Variants in POLR1E observed in about 807,000 individuals in gnomAD.
The protein encoded by POLR1E is DNA-directed RNA polymerase I subunit RPA49.
Under a neutral mutation model 50.9 loss-of-function variants are expected in POLR1E, and 37 were observed. The observed-to-expected ratio is 0.73, with a 90% CI of 0.56 to 0.96. The LOEUF (loss-of-function observed/expected upper bound fraction) is 0.96, where lower values mean the gene tolerates loss of function less well. Ranked by LOEUF, POLR1E falls within the 40% of genes least tolerant of loss-of-function variation. POLR1E has a pLI of 0.00. For synonymous variants in POLR1E, 166 were observed against 191.6 expected, an observed-to-expected ratio of 0.87 and a Z score of 1.10; for missense variants, 426 against 518.1, an observed-to-expected ratio of 0.82 and a Z score of 1.73.
chr9:37,489,215 G>A, intron 3 of POLR1E, 100 bp from the exon 4 acceptor site: 1 of 875,612 alleles, frequency 1.1e-6, no homozygotes, highest in Non-Finnish European at 1.7e-6. Context: ...TCCAGCCTGG[G>A]TGACAGCAAG....
rs1439949174 is a variant in POLR1E, at chr9:37,500,874, C to T, written c.921C>T (p.Asn307=). The T allele has an allele frequency of 1.5e-5, 25 of 1,613,908 alleles. No homozygotes were observed. The highest frequency in any genetic ancestry group is 2.0e-5 in the Non-Finnish European group (24 of 1,179,902). The change falls in exon 10 of 12, where the codon AAC becomes AAT. Residue 307 remains asparagine (N), a synonymous_variant. Coordinates refer to ENST00000377798, the MANE Select transcript of POLR1E (RefSeq NM_022490.4). ...GACCTGGAGTTCCCCACATCATCAA[C>T]ACCAAACTGCTGAAGCACTTTACTT... The part of the protein sequence containing the change: ...ALGPGVPHII[N]TKLLKHFTCL...
chr9:37,490,425 G>T (rs10814551), intron 4 of POLR1E: 10 of 769,332 alleles, frequency 1.3e-5, no homozygotes, highest in Non-Finnish European at 1.9e-5. Context: ...CACCTGTCAC[G>T]CCATGAATTC....
intron 1 of POLR1E, 95 bp downstream of exon 1, chr9:37,486,218 C>T: frequency 7.0e-7 from 1 of 1,438,290 alleles, no homozygotes; most frequent in Non-Finnish European, 9.2e-7. Flanking sequence ...GGGCTTCTCC[C>T]CAGCGGGGCC....
At chr9:37,495,106 A>G in intron 6 of POLR1E, 63 bp from the exon 7 acceptor site, 1 of 1,385,814 alleles carries the variant, frequency 7.2e-7, no homozygotes, top group Non-Finnish European at 1.0e-6. Flanking sequence ...GCACAGACTG[A>G]AAAGAATGTT....
chr9:37,492,958 T>C (rs1820711987), intron 5 of POLR1E, among the ~76,000 whole-genome samples: 1 of 152,250 alleles, frequency 6.6e-6, no homozygotes, highest in Admixed American at 6.5e-5. Context: ...GAGTCGGTTC[T>C]CTGGGCTGAT....
At chr9:37,494,109 G>A (rs758377735) in intron 6 of POLR1E, among the ~76,000 whole-genome samples, 25 of 152,128 alleles carry the variant, frequency 1.6e-4, no homozygotes, top group Non-Finnish European at 2.6e-4. Flanking sequence ...CTCTGTTTCC[G>A]GTATTCAGCA....
chr9:37,492,576 C>T, intron 4 of POLR1E, 81 bp from the exon 5 acceptor site: 2 of 1,296,442 alleles, frequency 1.5e-6, no homozygotes, highest in Non-Finnish European at 2.2e-6. Flanking sequence ...CTTAGATAGA[C>T]AAATGAATAT....
chr9:37,485,997 C>T lies in POLR1E; in HGVS notation c.-51C>T, dbSNP rs1588796523. 8 of 1,570,142 alleles carry T rather than the reference C, an allele frequency of 5.1e-6. No individual in the cohort carries two copies. Among genetic ancestry groups the T allele is most frequent in the Non-Finnish European group, 6.9e-6 (8 of 1,158,288 alleles). On this transcript the variant is annotated 5_prime_UTR_variant, in exon 1 of 12. Coordinates refer to ENST00000377798, the MANE Select transcript of POLR1E (RefSeq NM_022490.4). ...GGGCTCCCGCGTGTTTAAAAGTGCGCTTGTGGCTGCTGCTGTCTTAACTCC... is the reference window on the plus strand; with the variant it reads ...GGGCTCCCGCGTGTTTAAAAGTGCGTTTGTGGCTGCTGCTGTCTTAACTCC...
chr9:37,487,829 G>A, intron 2 of POLR1E, 34 bp from the exon 3 acceptor site: 1 of 1,591,724 alleles, frequency 6.3e-7, no homozygotes, highest in Non-Finnish European at 8.6e-7. Context: ...TTCAACATTG[G>A]TTGTAAATGG....
At position 37,503,422 on chromosome 9, in the gene POLR1E, A is replaced by G; in HGVS notation, c.*220A>G. 2.9e-6 allele frequency: 1 copy of G among 350,258 alleles called. No individual in the cohort carries two copies. The highest frequency in any genetic ancestry group is 4.7e-6 in the Non-Finnish European group (1 of 211,614). 21.7% of individuals were successfully genotyped at this position (350,258 alleles called of 1,614,324 possible). A position where few individuals can be genotyped will look rare whatever the true frequency, so the allele number is the denominator to read the frequency against. On this transcript the variant is annotated 3_prime_UTR_variant, in exon 12 of 12. Transcript: ENST00000377798. ...GGAGACCCCATCTCTACCGGAGGAA[A>G]AAAAAAAGAGTCAGGCCTGGTGGTG...
At chr9:37,490,556 CTT>C in intron 4 of POLR1E, 1 of 733,602 alleles carries the variant, frequency 1.4e-6, no homozygotes, top group Non-Finnish European at 2.5e-6. Context: ...TTGCTTCTGT[CTT>C]TTTCTAATCA....
intron 6 of POLR1E, 75 bp downstream of exon 6, chr9:37,493,778 C>A: frequency 7.3e-7 from 1 of 1,370,942 alleles, no homozygotes; most frequent in Non-Finnish European, 9.6e-7. Flanking sequence ...TTTTACCCAC[C>A]CACACATGGA....
chr9:37,503,313 C>T lies in POLR1E; in HGVS notation c.*111C>T, dbSNP rs758567652. The T allele has an allele frequency of 1.2e-4, 162 of 1,333,600 alleles. 1 individual carries two copies. Among genetic ancestry groups the T allele is most frequent in the Non-Finnish European group, 1.5e-4 (155 of 1,003,268 alleles). 82.6% of individuals were successfully genotyped at this position (1,333,600 alleles called of 1,614,324 possible). On this transcript the variant is annotated 3_prime_UTR_variant, in exon 12 of 12. Transcript: ENST00000377798. ...AAGAAAAGGTCCGGGGATGGTGGCT[C>T]ACACCTGAAATCCCAGCACTTTGGG...
chr9:37,494,835 A>C (rs192113793), intron 6 of POLR1E, among the ~76,000 whole-genome samples: 1 of 152,316 alleles, frequency 6.6e-6, no homozygotes, highest in Non-Finnish European at 1.5e-5. Flanking sequence ...TAAGCCATTA[A>C]AGGCTATTTT....
At chr9:37,498,585 G>A (rs903874507) in intron 9 of POLR1E, among the ~76,000 whole-genome samples, 10 of 149,570 alleles carry the variant, frequency 6.7e-5, no homozygotes, top group East Asian at 1.9e-4. Flanking sequence ...ACGTGTGTGC[G>A]TGTGTGTGTG....
intron 11 of POLR1E, 151 bp downstream of exon 11, chr9:37,501,995 C>G (rs1820899708): frequency 3.8e-6 from 3 of 798,512 alleles, no homozygotes; most frequent in Admixed American, 3.2e-5. Flanking sequence ...ATGAATGAAT[C>G]ATTGACTGAA....
At chr9:37,490,398 G>A (rs1820660407) in intron 4 of POLR1E, 1 of 727,346 alleles carries the variant, frequency 1.4e-6, no homozygotes, top group Admixed American at 1.9e-5. Flanking sequence ...CAGTCCAGAG[G>A]TCTTTCATTT....
intron 8 of POLR1E, 63 bp downstream of exon 8, chr9:37,496,049 C>A: frequency 1.6e-6 from 2 of 1,232,586 alleles, no homozygotes; most frequent in Non-Finnish European, 1.2e-6. Flanking sequence ...AGTAGTCAGA[C>A]ACTGTGCAGG....
intron 4 of POLR1E, among the ~76,000 whole-genome samples, chr9:37,490,236 A>G (rs768426607): frequency 1.8e-4 from 28 of 152,242 alleles, no homozygotes; most frequent in Non-Finnish European, 2.6e-4. Flanking sequence ...TTGTTGCACA[A>G]TAAGCTACCT....
Sources: allele counts gnomAD v4.1 joint callset (sites outside exome capture counted in the v4.1 genomes callset), GRCh38; gene constraint gnomAD v4.1.1; transcripts MANE v1.5; gene names NCBI Gene and HGNC (gene_info 2026-07-23, HGNC 2026-07-21).